LUZP2: variants seen among roughly 807,000 people sequenced by gnomAD.
LUZP2 encodes leucine zipper protein 2.
LUZP2 carries 52 observed loss-of-function variants against 51.6 expected under a neutral mutation model. The observed-to-expected ratio is 1.01, with a 90% CI of 0.81 to 1.27. The LOEUF (loss-of-function observed/expected upper bound fraction) is 1.27. LUZP2 is among the 50% of genes most tolerant of loss of function. The probability of loss-of-function intolerance (pLI) is 0.00; values close to 1 mark genes in which losing one functional copy is unlikely to be tolerated. For synonymous variants in LUZP2, 154 were observed against 137.3 expected (o/e 1.12, Z -0.85); for missense variants, 436 against 395.4 (o/e 1.10, Z -0.87).
intron 1 of LUZP2, among the ~76,000 whole-genome samples, chr11:24,562,268 A>AT (rs1852065568): frequency 6.6e-6 from 1 of 152,162 alleles, no homozygotes; most frequent in Admixed American, 6.5e-5. Context: ...GGCTTCCCTT[A>AT]TACCACAATA....
intron 7 of LUZP2, among the ~76,000 whole-genome samples, chr11:24,963,753 G>A (rs561636551): frequency 4.6e-5 from 7 of 152,192 alleles, no homozygotes; most frequent in South Asian, 2.1e-4. Context: ...TTCGGCTCGT[G>A]CACGGTGCGC....
At chr11:24,926,636 T>C (rs1854281006) in intron 7 of LUZP2, among the ~76,000 whole-genome samples, 2 of 134,814 alleles carry the variant, frequency 1.5e-5, no homozygotes, top group African/African-American at 2.8e-5. Context: ...TGTGTATATA[T>C]GTATATATAT....
At chr11:24,957,688 AG>A (rs1370003444) in intron 7 of LUZP2, among the ~76,000 whole-genome samples, 1 of 152,162 alleles carries the variant, frequency 6.6e-6, no homozygotes, top group African/African-American at 2.4e-5. Context: ...TTCTTTTCAA[AG>A]GCTGAATAAT....
intron 1 of LUZP2, among the ~76,000 whole-genome samples, chr11:24,685,960 A>G (rs1856885447): frequency 6.6e-6 from 1 of 152,172 alleles, no homozygotes; most frequent in Non-Finnish European, 1.5e-5. Flanking sequence ...ATTATCCTAT[A>G]TTTAGTTGAA....
intron 7 of LUZP2, among the ~76,000 whole-genome samples, chr11:24,951,950 C>T (rs990324337): frequency 6.6e-6 from 1 of 151,648 alleles, no homozygotes; most frequent in Non-Finnish European, 1.5e-5. Flanking sequence ...ATCACTATCA[C>T]AATTTGCCTA....
rs1180932404 is a variant in LUZP2, at chr11:24,602,274, A to ATGTG, written c.62+104970_62+104971insGTGT. Among the ~76,000 whole-genome samples the ATGTG allele has an allele frequency of 2.1e-3, 283 of 136,788 alleles. 10 individuals are homozygous for ATGTG. The highest frequency in any genetic ancestry group is 4.5e-3 in the African/African-American group (155 of 34,128). The allele number at this position is 136,788 out of a possible 152,430, so 89.7% of individuals were successfully genotyped here. On this transcript the variant is annotated intron_variant, in intron 1 of 11. Transcript: ENST00000336930. ...TATATGCAAACATATATGTACATAC[A>ATGTG]TATATACACACATATATATGTACAT...
chr11:24,551,289 C>G (rs531225024), intron 1 of LUZP2, among the ~76,000 whole-genome samples: 38 of 152,092 alleles, frequency 2.5e-4, no homozygotes, highest in African/African-American at 8.9e-4. Flanking sequence ...TATGTTACAA[C>G]ATGGATGAAC....
chr11:24,630,278 A>G (rs1019037558), intron 1 of LUZP2, among the ~76,000 whole-genome samples: 2 of 152,000 alleles, frequency 1.3e-5, no homozygotes, highest in Admixed American at 6.6e-5. Flanking sequence ...GCCAAGGTCC[A>G]GAAAAGTTGT....
intron 5 of LUZP2, among the ~76,000 whole-genome samples, chr11:24,807,043 A>AAT (rs55674641): frequency 6.7e-5 from 10 of 149,462 alleles, no homozygotes; most frequent in African/African-American, 2.5e-4. Flanking sequence ...AAAAAAAAAA[A>AAT]GGAGAGATAC....
chr11:24,897,369 C>T (rs150649629), intron 5 of LUZP2, among the ~76,000 whole-genome samples: 6 of 152,318 alleles, frequency 3.9e-5, no homozygotes, highest in East Asian at 1.9e-4. Flanking sequence ...AAATCTTGTT[C>T]TGCTCTTTCT....
At chr11:24,502,582 C>A (rs1850029877) in intron 1 of LUZP2, among the ~76,000 whole-genome samples, 1 of 151,990 alleles carries the variant, frequency 6.6e-6, no homozygotes, top group Non-Finnish European at 1.5e-5. Context: ...GATGGGGCTT[C>A]ACCATCTTGG....
intron 1 of LUZP2, among the ~76,000 whole-genome samples, chr11:24,647,864 A>C (rs1170144287): frequency 6.6e-6 from 1 of 151,830 alleles, no homozygotes; most frequent in Non-Finnish European, 1.5e-5. Context: ...CTCTTTTTGA[A>C]TACCCTGGTA....
chr11:24,762,071 GGT>G (rs1860001042), intron 4 of LUZP2, among the ~76,000 whole-genome samples: 1 of 120,720 alleles, frequency 8.3e-6, no homozygotes, highest in Non-Finnish European at 1.7e-5. Context: ...TAATGTGTAG[GGT>G]TAGCCCACAG....
intron 9 of LUZP2, among the ~76,000 whole-genome samples, chr11:25,049,726 A>G (rs11028384): frequency 0.1 from 15,341 of 152,026 alleles, 1,867 homozygotes; most frequent in African/African-American, 0.29. Context: ...TTTGTGGGGG[A>G]CTAGAATCCT....
chr11:24,573,725 A>AT (rs1053320041), intron 1 of LUZP2, among the ~76,000 whole-genome samples: 3 of 151,742 alleles, frequency 2.0e-5, no homozygotes, highest in Non-Finnish European at 4.4e-5. Flanking sequence ...AGACAAAATA[A>AT]TTTTTGCTTC....
At chr11:24,943,857 G>A (rs917233851) in intron 7 of LUZP2, among the ~76,000 whole-genome samples, 10 of 140,428 alleles carry the variant, frequency 7.1e-5, no homozygotes, top group Middle Eastern at 3.8e-3. Flanking sequence ...CAGCCTGGGC[G>A]ACAGAGGGAG....
At chr11:24,638,026 C>G (rs1020651487) in intron 1 of LUZP2, among the ~76,000 whole-genome samples, 3 of 151,788 alleles carry the variant, frequency 2.0e-5, no homozygotes, top group Admixed American at 6.5e-5. Flanking sequence ...AAATTTCTCT[C>G]TTTGTACTCT....
chr11:25,068,965 C>A (rs1007282821), intron 10 of LUZP2, among the ~76,000 whole-genome samples: 7 of 151,944 alleles, frequency 4.6e-5, no homozygotes, highest in African/African-American at 1.7e-4. Flanking sequence ...ATGAAGAAAT[C>A]GATAGCCCTA....
At chr11:24,623,798 G>A (rs1413283875) in intron 1 of LUZP2, among the ~76,000 whole-genome samples, 3 of 152,116 alleles carry the variant, frequency 2.0e-5, no homozygotes, top group African/African-American at 7.2e-5. Flanking sequence ...AGTGAGCTGA[G>A]GTCACGCCAC....
Sources: gnomAD v4.1 joint callset for allele counts (sites outside exome capture counted in the v4.1 genomes callset) on GRCh38, gnomAD v4.1.1 for gene constraint, MANE v1.5 for transcripts, NCBI Gene and HGNC (gene_info 2026-07-23, HGNC 2026-07-21) for gene names.